TBC1D1: variants seen among roughly 807,000 people sequenced by gnomAD.
TBC1D1 encodes TBC1 domain family member 1.
A neutral mutation model predicts 125.6 loss-of-function variants in TBC1D1; 89 were observed. That is an observed-to-expected ratio of 0.71 (90% CI 0.60 to 0.85). TBC1D1 has a LOEUF of 0.85. Among genes scored for constraint, TBC1D1 ranks in the 40% least tolerant of loss-of-function variants. The pLI, the probability that TBC1D1 is intolerant of heterozygous loss-of-function variation, is 0.00. For synonymous variants in TBC1D1, 565 were observed against 564.1 expected (o/e 1.00, Z -0.02); for missense variants, 1,377 against 1,469.2 (o/e 0.94, Z 1.03).
At position 38,090,093 on chromosome 4, in the gene TBC1D1, G is replaced by A; in HGVS notation, c.2212G>A (p.Glu738Lys). ...TCAACAGATACTGCTGCTTAGAATG[G>A]AGAAGGAAAATCAGAAGCTCCAAGG... Residue 738 changes from glutamate (E) to lysine (K), a missense_variant, in exon 13 of 20, where the codon GAG (glutamate) becomes AAG (lysine). Physicochemically the swap from Glu to Lys is moderately conservative, Grantham distance 56. This residue lies in a region of TBC1D1 where 543 missense variants were observed against 613.5 expected (regional missense o/e 0.89). Transcript: ENST00000261439. 1 of 1,614,068 alleles carries A rather than the reference G, an allele frequency of 6.2e-7. No homozygotes were observed.
At chr4:38,087,175 A>C (rs541561697) in intron 12 of TBC1D1, among the ~76,000 whole-genome samples, 3 of 152,248 alleles carry the variant, frequency 2.0e-5, no homozygotes, top group Non-Finnish European at 4.4e-5. Flanking sequence ...AAAAGTAGAA[A>C]ACATTAGGGA....
intron 2 of TBC1D1, among the ~76,000 whole-genome samples, chr4:37,987,810 G>A (rs940771467): frequency 4.6e-5 from 7 of 152,202 alleles, no homozygotes; most frequent in Non-Finnish European, 8.8e-5. Flanking sequence ...GGATTTTAGA[G>A]TGTTTTCACT....
chr4:37,986,486 C>T (rs1735477126), intron 2 of TBC1D1, among the ~76,000 whole-genome samples: 2 of 152,126 alleles, frequency 1.3e-5, no homozygotes, highest in South Asian at 4.1e-4. Flanking sequence ...TGCTCTGTTG[C>T]CCAGGCTGGA....
chr4:38,002,093 C>T (rs1739195739), intron 2 of TBC1D1, among the ~76,000 whole-genome samples: 1 of 152,148 alleles, frequency 6.6e-6, no homozygotes, highest in African/African-American at 2.4e-5. Flanking sequence ...AGCATTCCTG[C>T]ATTCGTTCAG....
At position 38,089,998 on chromosome 4, in the gene TBC1D1, T is replaced by C. The variant is rs760117052; in HGVS notation, c.2117T>C (p.Phe706Ser). ...GAACCAGTTTGTGAAGATGGGCCCT[T>C]TGGCCCCCCACCAGAGGAAAAGAAA... The change falls in exon 13 of 20, where the codon TTT becomes TCT. Residue 706 changes from phenylalanine to serine, a missense_variant. By Grantham distance (155) the Phe-to-Ser change is radical. Coordinates refer to ENST00000261439, the MANE Select transcript of TBC1D1 (RefSeq NM_015173.4). 1.2e-6 allele frequency: 2 copies of C among 1,613,956 alleles called. No individual in the cohort carries two copies. The highest frequency in any genetic ancestry group is 2.7e-5 in the African/African-American group (2 of 74,928).
intron 2 of TBC1D1, among the ~76,000 whole-genome samples, chr4:37,949,622 A>C (rs544244684): frequency 1.3e-5 from 2 of 152,232 alleles, no homozygotes; most frequent in Non-Finnish European, 2.9e-5. Context: ...GGGCAACCCT[A>C]AACTGTTGAA....
intron 6 of TBC1D1, among the ~76,000 whole-genome samples, chr4:38,023,914 C>A (rs2152439638): frequency 6.6e-6 from 1 of 152,284 alleles, no homozygotes; most frequent in Non-Finnish European, 1.5e-5. Flanking sequence ...AGTGGCCACA[C>A]CATTTTACAA....
intron 2 of TBC1D1, among the ~76,000 whole-genome samples, chr4:37,913,639 A>ATGTG (rs150050860): frequency 1.3e-5 from 2 of 150,538 alleles, no homozygotes; most frequent in Non-Finnish European, 3.0e-5. Flanking sequence ...ATATATATAT[A>ATGTG]TGTGTGTGTG....
intron 6 of TBC1D1, among the ~76,000 whole-genome samples, chr4:38,025,673 A>T (rs1744936380): frequency 6.6e-6 from 1 of 152,134 alleles, no homozygotes; most frequent in South Asian, 2.1e-4. Context: ...CCAAAATATG[A>T]TACTTCGGCT....
At chr4:38,083,126 G>A (rs1756863926) in intron 12 of TBC1D1, among the ~76,000 whole-genome samples, 1 of 152,102 alleles carries the variant, frequency 6.6e-6, no homozygotes, top group African/African-American at 2.4e-5. Flanking sequence ...CTGTTTGGTA[G>A]TGGCCTTTCA....
intron 2 of TBC1D1, among the ~76,000 whole-genome samples, chr4:37,918,450 CTTT>C (rs776753435): frequency 1.4e-5 from 2 of 142,048 alleles, no homozygotes; most frequent in Non-Finnish European, 1.5e-5. Context: ...GCATTTTCCT[CTTT>C]TTTTTTTTTT....
chr4:38,084,420 G>A lies in TBC1D1; in HGVS notation c.2051-5512G>A, dbSNP rs529097927. ...ATTGAATATTCCATGCATATCTGCT[G>A]TTTCCCAGGCATGGGATATGGCAGG... On this transcript the variant is annotated intron_variant, in intron 12 of 19. Transcript: ENST00000261439. Among the ~76,000 whole-genome samples the A allele has an allele frequency of 1.2e-4, 18 of 152,374 alleles. No individual in the cohort carries two copies. In the South Asian group the frequency reaches 2.7e-3, roughly 23 times the overall value.
At chr4:38,006,741 A>G in intron 2 of TBC1D1, 1 of 393,930 alleles carries the variant, frequency 2.5e-6, no homozygotes, top group Non-Finnish European at 4.9e-6. Context: ...GGCCTCCCAA[A>G]GTGCTGGGAT....
At chr4:38,076,650 A>G (rs546565227) in intron 12 of TBC1D1, among the ~76,000 whole-genome samples, 1 of 152,286 alleles carries the variant, frequency 6.6e-6, no homozygotes. Flanking sequence ...CCAAAAATAG[A>G]CCAGAGAGAA....
intron 2 of TBC1D1, among the ~76,000 whole-genome samples, chr4:37,937,311 C>T (rs148951259): frequency 2.6e-5 from 4 of 152,306 alleles, no homozygotes; most frequent in South Asian, 2.1e-4. Flanking sequence ...GAGGGGGCCA[C>T]GCTGCCATCT....
intron 2 of TBC1D1, among the ~76,000 whole-genome samples, chr4:37,984,392 A>G (rs1355330657): frequency 6.6e-6 from 1 of 152,190 alleles, no homozygotes; most frequent in Non-Finnish European, 1.5e-5. Flanking sequence ...AATGAATGAG[A>G]ATTTCTTTTG....
At chr4:38,066,623 C>T (rs1311279309) in intron 12 of TBC1D1, among the ~76,000 whole-genome samples, 2 of 152,062 alleles carry the variant, frequency 1.3e-5, no homozygotes, top group Admixed American at 6.5e-5. Context: ...TGTGCCACTG[C>T]GCCAGGCCTC....
chr4:37,944,640 C>T lies in TBC1D1; in HGVS notation c.417+42128C>T, dbSNP rs186257208. Among the ~76,000 whole-genome samples the T allele has an allele frequency of 1.2e-4, 19 of 152,308 alleles. 1 individual carries two copies. The highest frequency in any genetic ancestry group is 3.8e-4 in the African/African-American group (16 of 41,572). ...GGTGTGGAACCCTTTGAGCCAGGTG[C>T]GGGACATAATCTCCTGGTGTGCCGT... On this transcript the variant is annotated intron_variant, in intron 2 of 19. Coordinates refer to ENST00000261439, the MANE Select transcript of TBC1D1 (RefSeq NM_015173.4).
intron 15 of TBC1D1, among the ~76,000 whole-genome samples, chr4:38,103,825 G>C (rs531083057): frequency 2.6e-5 from 4 of 152,254 alleles, no homozygotes; most frequent in African/African-American, 9.6e-5. Flanking sequence ...AATTTACATT[G>C]TATTAGGTGT....
Sources: gnomAD v4.1 joint callset for allele counts (sites outside exome capture counted in the v4.1 genomes callset) on GRCh38, gnomAD v4.1.1 for gene constraint, gnomAD v4.1.1 regional missense constraint, MANE v1.5 for transcripts, NCBI Gene and HGNC (gene_info 2026-07-23, HGNC 2026-07-21) for gene names.